NCF4: variants seen among roughly 807,000 people sequenced by gnomAD.
NCF4 encodes neutrophil cytosolic factor 4.
Under a neutral mutation model 41.7 loss-of-function variants are expected in NCF4, and 30 were observed. The ratio of observed to expected loss-of-function variants is 0.72; its 90% CI spans 0.54 to 0.97. The LOEUF (loss-of-function observed/expected upper bound fraction) is 0.97, where lower values mean the gene tolerates loss of function less well. Ranked by LOEUF, NCF4 falls within the 50% of genes least tolerant of loss-of-function variation. The probability of loss-of-function intolerance (pLI) is 0.00; values close to 1 mark genes in which losing one functional copy is unlikely to be tolerated. For synonymous variants in NCF4, 195 were observed against 175.8 expected (o/e 1.11, Z -0.87); for missense variants, 432 against 460.9 (o/e 0.94, Z 0.57).
In NCF4 at chr22:36,871,720, C is replaced by T. The variant is rs375032114; in HGVS notation, c.528+11C>T. ...GCTCCGAGAGCAGAGGTAACCCCCG[C>T]CCCCACGCTGGCCAGGCTCTCACAC... On this transcript the variant is annotated intron_variant, in intron 6 of 9. Transcript: ENST00000248899. The T allele has an allele frequency of 1.3e-6, 2 of 1,556,806 alleles. No homozygotes were observed. Among genetic ancestry groups the T allele is most frequent in the African/African-American group, 2.7e-5 (2 of 73,510 alleles).
Position 36,877,904 on chromosome 22 carries a change from G to A in NCF4, c.*81G>A. The A allele has an allele frequency of 7.1e-7, 1 of 1,410,068 alleles. No homozygotes were observed. 87.3% of individuals were successfully genotyped at this position (1,410,068 alleles called of 1,614,324 possible). On this transcript the variant is annotated 3_prime_UTR_variant, in exon 10 of 10. Coordinates refer to ENST00000248899, the MANE Select transcript of NCF4 (RefSeq NM_000631.5). ...GAGGAGATTGGGACCAGGAAAACCT[G>A]GGAGGATGGGCAGACTTCCTGTCTT...
At chr22:36,870,362 G>A in intron 4 of NCF4, 53 bp from the exon 5 acceptor site, 2 of 1,612,100 alleles carry the variant, frequency 1.2e-6, no homozygotes, top group Non-Finnish European at 1.7e-6. Flanking sequence ...AGGCTGGGGT[G>A]TCCAGATCTT....
intron 4 of NCF4, among the ~76,000 whole-genome samples, chr22:36,869,493 G>C (rs927660861): frequency 9.9e-5 from 15 of 152,016 alleles, no homozygotes; most frequent in Non-Finnish European, 4.4e-5. Flanking sequence ...GCCTTTTCCG[G>C]GCTCTGCATC....
intron 7 of NCF4, among the ~76,000 whole-genome samples, chr22:36,873,733 G>A (rs930102004): frequency 1.3e-5 from 2 of 152,154 alleles, no homozygotes; most frequent in Non-Finnish European, 2.9e-5. Context: ...ATGGTCCCTT[G>A]TGGGGTTGTC....
At chr22:36,871,384 C>A (rs1234173559) in intron 5 of NCF4, among the ~76,000 whole-genome samples, 1 of 152,218 alleles carries the variant, frequency 6.6e-6, no homozygotes, top group East Asian at 1.9e-4. Context: ...GTGAAAGGCA[C>A]CGAATGAGCG....
chr22:36,864,057 G>A lies in NCF4; in HGVS notation c.45G>A (p.Gln15=). The part of the protein sequence containing the change: ...QQLRAESDFE[Q]LPDDVAISAN... ...CTCCTTCGCACAGTGACTTTGAACA[G>A]CTTCCGGATGATGTTGCCATCTCGG... The change falls in exon 2 of 10, where the codon CAG becomes CAA. Residue 15 remains glutamine (Q), a synonymous_variant. Transcript: ENST00000248899. 1.2e-6 allele frequency: 2 copies of A among 1,614,172 alleles called. No homozygotes were observed. Among genetic ancestry groups the A allele is most frequent in the South Asian group, 2.2e-5 (2 of 91,082 alleles).
intron 5 of NCF4, 120 bp from the exon 6 acceptor site, chr22:36,871,532 A>T (rs1305097310): frequency 2.6e-5 from 29 of 1,126,380 alleles, no homozygotes; most frequent in Non-Finnish European, 3.8e-5. Context: ...GCCACATTTC[A>T]GCATCTTCTG....
At position 36,875,719 on chromosome 22, in the gene NCF4, G is replaced by A. The variant is rs866410224; in HGVS notation, c.694G>A (p.Glu232Lys). 1 of 1,613,818 alleles carries A rather than the reference G, an allele frequency of 6.2e-7. No individual in the cohort carries two copies. The highest frequency in any genetic ancestry group is 8.5e-7 in the Non-Finnish European group (1 of 1,180,042). Residue 232 changes from glutamate (E) to lysine (K), a missense_variant, in exon 8 of 10, where the codon GAG (glutamate) becomes AAG (lysine). Physicochemically the swap from Glu to Lys is moderately conservative, Grantham distance 56 (BLOSUM62 1). Coordinates refer to ENST00000248899, the MANE Select transcript of NCF4 (RefSeq NM_000631.5). Reference sequence around the variant, plus strand: ...CGTGAAGATCCTCAAAGACTTCCCTGAGGAGGACGACCCCACCAACTGGCT... The same window carrying A: ...CGTGAAGATCCTCAAAGACTTCCCTAAGGAGGACGACCCCACCAACTGGCT... ...SFVKILKDFP[E>K]EDDPTNWLRC...
chr22:36,868,293 T>C (rs1939975006), intron 4 of NCF4, among the ~76,000 whole-genome samples: 1 of 152,252 alleles, frequency 6.6e-6, no homozygotes, highest in African/African-American at 2.4e-5. Context: ...TGACACTGAC[T>C]GGCTGGGTGA....
At chr22:36,872,065 G>T in intron 6 of NCF4, 1 of 693,570 alleles carries the variant, frequency 1.4e-6, no homozygotes. Context: ...CAGGGTGGGT[G>T]CTCAGCCCAG....
At chr22:36,870,044 A>C (rs2145715527) in intron 4 of NCF4, 1 of 353,428 alleles carries the variant, frequency 2.8e-6, no homozygotes, top group South Asian at 2.2e-5. Context: ...TCTGATCCTA[A>C]CTCAAGGGAT....
intron 4 of NCF4, 58 bp downstream of exon 4, chr22:36,867,520 G>C: frequency 1.9e-6 from 3 of 1,569,630 alleles, no homozygotes; most frequent in Non-Finnish European, 2.6e-6. Flanking sequence ...TGGTGGGGGA[G>C]CCCACGTACC....
At position 36,865,785 on chromosome 22, in the gene NCF4, C is replaced by G. The variant is rs1569111296; in HGVS notation, c.271+713C>G. Among the ~76,000 whole-genome samples the G allele has an allele frequency of 6.6e-6, 1 of 152,292 alleles. No individual in the cohort carries two copies. Among genetic ancestry groups the G allele is most frequent in the South Asian group, 2.1e-4 (1 of 4,828 alleles). ...CCTTCCCCAAGCCTCAGGGACCCTTCCCCAAGCTCCAACCCCATCTCCAGT... is the reference window on the plus strand; with the variant it reads ...CCTTCCCCAAGCCTCAGGGACCCTTGCCCAAGCTCCAACCCCATCTCCAGT... On this transcript the variant is annotated intron_variant, in intron 3 of 9. Transcript: ENST00000248899. This position sits in a 1 kb window ranked among gnomAD's most constrained non-coding sequence, Gnocchi z 4.3.
intron 7 of NCF4, among the ~76,000 whole-genome samples, chr22:36,874,106 G>C (rs4821550): frequency 6.6e-6 from 1 of 152,082 alleles, no homozygotes; most frequent in East Asian, 1.9e-4. Context: ...CAGAGCCTGG[G>C]TGTGCGGCGC....
chr22:36,861,055 C>A lies in NCF4; in HGVS notation c.-117C>A. ...CCTCCCCAAAGGCAGCTCCTGGGGA[C>A]TCCCAGGACCACAGGCTGAGACGAG... On this transcript the variant is annotated 5_prime_UTR_variant, in exon 1 of 10. Coordinates refer to ENST00000248899, the MANE Select transcript of NCF4 (RefSeq NM_000631.5). 1 of 1,381,696 alleles carries A rather than the reference C, an allele frequency of 7.2e-7. No homozygotes were observed. Among genetic ancestry groups the A allele is most frequent in the Non-Finnish European group, 1.0e-6 (1 of 993,474 alleles). 85.6% of individuals were successfully genotyped at this position (1,381,696 alleles called of 1,614,324 possible). A position where few individuals can be genotyped will look rare whatever the true frequency, so the allele number is the denominator to read the frequency against.
At chr22:36,877,503 G>T in intron 9 of NCF4, 125 bp from the exon 10 acceptor site, 1 of 953,524 alleles carries the variant, frequency 1.0e-6, no homozygotes, top group Non-Finnish European at 1.7e-6. Flanking sequence ...TGGATGACAC[G>T]GGCTTGTATC....
At chr22:36,862,763 G>A (rs969501121) in intron 1 of NCF4, among the ~76,000 whole-genome samples, 2 of 152,192 alleles carry the variant, frequency 1.3e-5, no homozygotes, top group Non-Finnish European at 2.9e-5. Flanking sequence ...GCGCAGCGGG[G>A]ACTTTCTAGA....
chr22:36,861,884 A>G (rs1359574355), intron 1 of NCF4, among the ~76,000 whole-genome samples: 1 of 152,208 alleles, frequency 6.6e-6, no homozygotes, highest in Non-Finnish European at 1.5e-5. Context: ...GAATAAATGA[A>G]TGAATGAATG....
chr22:36,865,086 C>T lies in NCF4; in HGVS notation c.271+14C>T. 6.2e-7 allele frequency: 1 copy of T among 1,607,204 alleles called. No homozygotes were observed. ...CCACACTCCCAGGTAGGCGGCCACT[C>T]CCGTCCTGCTGCTGCAGAGCTGCTG... On this transcript the variant is annotated intron_variant, in intron 3 of 9. Coordinates refer to ENST00000248899, the MANE Select transcript of NCF4 (RefSeq NM_000631.5). This position sits in a 1 kb window ranked among gnomAD's most constrained non-coding sequence, Gnocchi z 4.3.
Sources: allele counts gnomAD v4.1 joint callset (sites outside exome capture counted in the v4.1 genomes callset), GRCh38; gene constraint gnomAD v4.1.1; non-coding constraint Gnocchi (gnomAD v3.1); transcripts MANE v1.5; gene names NCBI Gene and HGNC (gene_info 2026-07-23, HGNC 2026-07-21).